Variants in ADAMTS6 observed in about 807,000 individuals in gnomAD.
ADAMTS6 encodes the protein ADAM metallopeptidase with thrombospondin type 1 motif 6.
ADAMTS6 carries 23 observed loss-of-function variants against 144.3 expected under a neutral mutation model. That is an observed-to-expected ratio of 0.16 (90% CI 0.11 to 0.23). ADAMTS6 has a LOEUF of 0.23. Ranked by LOEUF, ADAMTS6 falls within the 10% of genes least tolerant of loss-of-function variation. The pLI, the probability that ADAMTS6 is intolerant of heterozygous loss-of-function variation, is 1.00. For synonymous variants in ADAMTS6, 444 were observed against 457.5 expected (o/e 0.97, Z 0.38); for missense variants, 999 against 1,379.6 (o/e 0.72, Z 4.37).
At chr5:65,246,734 A>G (rs897046841) in intron 14 of ADAMTS6, among the ~76,000 whole-genome samples, 1 of 152,158 alleles carries the variant, frequency 6.6e-6, no homozygotes, top group South Asian at 2.1e-4. Context: ...GGCTTCAGGG[A>G]ATTGAAGTAG....
chr5:65,316,155 G>A (rs556371607), intron 9 of ADAMTS6, among the ~76,000 whole-genome samples: 70 of 152,138 alleles, frequency 4.6e-4, no homozygotes, highest in Admixed American at 9.8e-4. Flanking sequence ...CAGGCAATCC[G>A]CCCACCTCGG....
intron 4 of ADAMTS6, among the ~76,000 whole-genome samples, chr5:65,456,472 AT>A (rs1363768230): frequency 6.6e-6 from 1 of 152,182 alleles, no homozygotes; most frequent in Non-Finnish European, 1.5e-5. Context: ...CCATTATTTC[AT>A]TGACCTGCTT....
At chr5:65,329,274 A>G in intron 9 of ADAMTS6, 104 bp downstream of exon 9, 1 of 953,386 alleles carries the variant, frequency 1.0e-6, no homozygotes, top group Non-Finnish European at 1.6e-6. Context: ...AATCAGACAA[A>G]AAGGTAGTAA....
At chr5:65,253,935 C>T (rs1760429486) in intron 14 of ADAMTS6, among the ~76,000 whole-genome samples, 2 of 146,876 alleles carry the variant, frequency 1.4e-5, no homozygotes, top group Admixed American at 1.4e-4. Flanking sequence ...TCAAGTGATC[C>T]TCCCACTCAA....
In ADAMTS6 at chr5:65,175,434, A is replaced by C. The variant is rs188098286; in HGVS notation, c.2911-2426T>G. On this transcript the variant is annotated intron_variant, in intron 22 of 24. Transcript: ENST00000381055. ...AGTGTACCCTATTCCTTTAAAAGCC[A>C]AGGTAAATTTAAAACCTATAATTGA... Among the ~76,000 whole-genome samples the C allele has an allele frequency of 2.1e-3, 314 of 152,212 alleles. 3 individuals carry two copies. Among genetic ancestry groups the C allele is most frequent in the African/African-American group, 7.3e-3 (303 of 41,544 alleles).
chr5:65,159,770 A>G (rs1752644116), intron 24 of ADAMTS6, among the ~76,000 whole-genome samples: 1 of 152,226 alleles, frequency 6.6e-6, no homozygotes. Flanking sequence ...CATGGTAAGT[A>G]TGTTTGCTAA....
At chr5:65,370,679 A>G (rs1413606597) in intron 7 of ADAMTS6, among the ~76,000 whole-genome samples, 2 of 152,152 alleles carry the variant, frequency 1.3e-5, no homozygotes, top group Non-Finnish European at 2.9e-5. Context: ...CAAACGGCAA[A>G]GGGCAGCGAG....
chr5:65,315,075 T>C (rs1744860979), intron 9 of ADAMTS6, among the ~76,000 whole-genome samples: 1 of 152,046 alleles, frequency 6.6e-6, no homozygotes. Context: ...TTAATTGATA[T>C]AAAAGATAAC....
At chr5:65,457,745 C>CTTTTTTTTT (rs1180960588) in intron 4 of ADAMTS6, among the ~76,000 whole-genome samples, 49 of 97,412 alleles carry the variant, frequency 5.0e-4, no homozygotes, top group African/African-American at 6.6e-4. Flanking sequence ...TTCTTTCTTT[C>CTTTTTTTTT]TTTTTTTTTT....
intron 7 of ADAMTS6, among the ~76,000 whole-genome samples, chr5:65,378,181 C>T (rs1430700422): frequency 2.0e-5 from 3 of 152,108 alleles, no homozygotes; most frequent in African/African-American, 7.2e-5. Flanking sequence ...TACAATCCAA[C>T]CCATACAGCA....
chr5:65,218,512 T>A (rs1031897910), intron 18 of ADAMTS6, among the ~76,000 whole-genome samples: 3 of 152,018 alleles, frequency 2.0e-5, no homozygotes, highest in African/African-American at 7.2e-5. Flanking sequence ...GACCCAGAAA[T>A]AACAAAAATT....
At chr5:65,211,855 C>T (rs1756552042) in intron 20 of ADAMTS6, among the ~76,000 whole-genome samples, 1 of 152,156 alleles carries the variant, frequency 6.6e-6, no homozygotes, top group Admixed American at 6.5e-5. Flanking sequence ...TGGGAGGCCA[C>T]CATTGGCCTC....
chr5:65,190,703 G>A lies in ADAMTS6; in HGVS notation c.2706-2483C>T, dbSNP rs187353960. On this transcript the variant is annotated intron_variant, in intron 21 of 24. Transcript: ENST00000381055. ...CTCTCCTCAGAAACTTAACCTAGAT[G>A]TATCACTCTAGCCTTTAACTTGGAA... 4.5e-4 allele frequency among the ~76,000 whole-genome samples: 69 copies of A among 152,218 alleles called. No individual in the cohort carries two copies. In the East Asian group the frequency reaches 9.5e-3, roughly 21 times the overall value.
intron 7 of ADAMTS6, among the ~76,000 whole-genome samples, chr5:65,375,704 G>A (rs890108132): frequency 2.0e-5 from 3 of 152,042 alleles, no homozygotes; most frequent in Non-Finnish European, 4.4e-5. Context: ...TCAGTGTGGC[G>A]ATTCCTCAGG....
intron 10 of ADAMTS6, among the ~76,000 whole-genome samples, chr5:65,298,938 T>A (rs1239793346): frequency 6.6e-6 from 1 of 152,098 alleles, no homozygotes; most frequent in South Asian, 2.1e-4. Context: ...CTATGTAACT[T>A]GTTTGAATTT....
At chr5:65,292,874 T>A (rs1249693499) in intron 10 of ADAMTS6, among the ~76,000 whole-genome samples, 1 of 152,086 alleles carries the variant, frequency 6.6e-6, no homozygotes, top group African/African-American at 2.4e-5. Flanking sequence ...AAGAACAAAC[T>A]TTTTTCACCC....
rs562532024 is a variant in ADAMTS6 at position 65,437,241 on chromosome 5, C to A, written c.1073+14234G>T. ...TCCCGAGTAGCTGGGACTACAGGCA[C>A]CCACCACCACGCCCAGATAATTTTT... On this transcript the variant is annotated intron_variant, in intron 7 of 24. Coordinates refer to ENST00000381055, the MANE Select transcript of ADAMTS6 (RefSeq NM_197941.4). 3.9e-5 allele frequency among the ~76,000 whole-genome samples: 6 copies of A among 151,966 alleles called. No homozygotes were observed. In the East Asian group the frequency reaches 1.2e-3, roughly 30 times the overall value.
intron 12 of ADAMTS6, among the ~76,000 whole-genome samples, chr5:65,267,195 C>T (rs906379757): frequency 3.3e-5 from 5 of 151,168 alleles, no homozygotes; most frequent in Non-Finnish European, 5.9e-5. Context: ...TTTTACTTTA[C>T]GTTTTAAACT....
At chr5:65,181,902 A>G (rs1159920710) in intron 22 of ADAMTS6, among the ~76,000 whole-genome samples, 1 of 152,210 alleles carries the variant, frequency 6.6e-6, no homozygotes, top group Admixed American at 6.5e-5. Context: ...ACATTTTAAA[A>G]TCATGTGTAT....
Sources: allele counts gnomAD v4.1 joint callset (sites outside exome capture counted in the v4.1 genomes callset), GRCh38; gene constraint gnomAD v4.1.1; transcripts MANE v1.5; gene names NCBI Gene and HGNC (gene_info 2026-07-23, HGNC 2026-07-21).